FBLN5: variants seen among roughly 807,000 people sequenced by gnomAD.
FBLN5 encodes fibulin-5.
Under a neutral mutation model 61.6 loss-of-function variants are expected in FBLN5, and 24 were observed. That is an observed-to-expected ratio of 0.39 (90% confidence interval 0.28 to 0.55). FBLN5 has a LOEUF of 0.55. Ranked by LOEUF, FBLN5 falls within the 20% of genes least tolerant of loss-of-function variation. The pLI is 0.65. For synonymous variants in FBLN5, 213 were observed against 219.8 expected (o/e 0.97, Z 0.27); for missense variants, 470 against 594.1 (o/e 0.79, Z 2.17).
chr14:91,922,333 A>C (rs963345425), intron 4 of FBLN5, among the ~76,000 whole-genome samples: 2 of 149,980 alleles, frequency 1.3e-5, no homozygotes, highest in Non-Finnish European at 3.0e-5. Context: ...TAAATAAATA[A>C]ATAAATAAAT....
chr14:91,877,139 G>C (rs1238981039), intron 10 of FBLN5, among the ~76,000 whole-genome samples: 1 of 152,162 alleles, frequency 6.6e-6, no homozygotes, highest in Non-Finnish European at 1.5e-5. Flanking sequence ...CCCCGTGCCT[G>C]GCCTGCATAG....
chr14:91,908,086 T>C (rs1466835353), intron 4 of FBLN5, among the ~76,000 whole-genome samples: 1 of 152,200 alleles, frequency 6.6e-6, no homozygotes, highest in African/African-American at 2.4e-5. Context: ...AATAAATGCT[T>C]TTCCAATCAG....
intron 4 of FBLN5, among the ~76,000 whole-genome samples, chr14:91,916,900 T>A (rs2140016705): frequency 6.6e-6 from 1 of 152,354 alleles, no homozygotes; most frequent in Non-Finnish European, 1.5e-5. Flanking sequence ...TTTTGGTCCA[T>A]GCACGGCAGG....
At chr14:91,912,670 C>A (rs1566816658) in intron 4 of FBLN5, among the ~76,000 whole-genome samples, 1 of 151,712 alleles carries the variant, frequency 6.6e-6, no homozygotes, top group East Asian at 1.9e-4. Flanking sequence ...ATTAGCTGGG[C>A]ATAGTGGTGT....
At chr14:91,924,725 T>A (rs570298493) in intron 4 of FBLN5, among the ~76,000 whole-genome samples, 154 of 152,248 alleles carry the variant, frequency 1.0e-3, no homozygotes, top group African/African-American at 3.6e-3. Context: ...AGATGTTAAA[T>A]AAATAATCAC....
chr14:91,925,949 G>A (rs575214325), intron 4 of FBLN5, among the ~76,000 whole-genome samples: 1 of 152,316 alleles, frequency 6.6e-6, no homozygotes, highest in African/African-American at 2.4e-5. Context: ...AGGGTGTGCT[G>A]GAGGTGAGTG....
rs111704831 is a variant in FBLN5 at position 91,894,830 on chromosome 14, G to A, written c.502+120C>T. ...AGTTCAATAGCCTTCCACCCCTCCC[G>A]CCCTCCCTAGCAAAGAAAAGCTTAC... On this transcript the variant is annotated intron_variant, in intron 5 of 10. Transcript: ENST00000342058. 78 of 185,352 alleles carry A rather than the reference G, an allele frequency of 4.2e-4. 1 individual carries two copies. The highest frequency in any genetic ancestry group is 1.7e-3 in the South Asian group (42 of 24,186). The allele number at this position is 185,352 out of a possible 1,614,324, so 11.5% of individuals were successfully genotyped here.
intron 2 of FBLN5, 28 bp from the exon 3 acceptor site, chr14:91,940,644 G>A: frequency 6.2e-7 from 1 of 1,608,136 alleles, no homozygotes; most frequent in Non-Finnish European, 8.5e-7. Context: ...GGAGAAACAG[G>A]CAAGGTCATT....
In FBLN5 at chr14:91,943,607, T is replaced by C. The variant is rs2056140919; in HGVS notation, c.18-646A>G. 6.6e-6 allele frequency among the ~76,000 whole-genome samples: 1 copy of C among 152,120 alleles called. No homozygotes were observed. On this transcript the variant is annotated intron_variant, in intron 1 of 10. Coordinates refer to ENST00000342058, the MANE Select transcript of FBLN5 (RefSeq NM_006329.4). The surrounding 1 kb of genome is among the most constrained non-coding windows in gnomAD (Gnocchi z 4.0). Reference sequence around the variant, plus strand: ...GAGATGTGCTTGACTTTTGAACATCTTTATGCTGACATGATTACAGAGTGA... The same window carrying C: ...GAGATGTGCTTGACTTTTGAACATCCTTATGCTGACATGATTACAGAGTGA...
intron 4 of FBLN5, among the ~76,000 whole-genome samples, chr14:91,909,552 T>C (rs1377171690): frequency 2.0e-5 from 3 of 152,052 alleles, no homozygotes; most frequent in Non-Finnish European, 4.4e-5. Context: ...GGGAGGTAAA[T>C]AAAATTAGAT....
intron 4 of FBLN5, among the ~76,000 whole-genome samples, chr14:91,924,870 G>A (rs543257655): frequency 7.5e-4 from 114 of 152,178 alleles, no homozygotes; most frequent in African/African-American, 2.6e-3. Context: ...CTGTCCCCAC[G>A]GAGAAGGCCA....
At chr14:91,940,904 A>T (rs972343184) in intron 2 of FBLN5, among the ~76,000 whole-genome samples, 8 of 152,104 alleles carry the variant, frequency 5.3e-5, no homozygotes, top group Non-Finnish European at 7.4e-5. Flanking sequence ...CAGGATTTTG[A>T]GACCGCCCTC....
intron 4 of FBLN5, among the ~76,000 whole-genome samples, chr14:91,934,741 T>A (rs1199205391): frequency 6.6e-6 from 1 of 152,178 alleles, no homozygotes; most frequent in African/African-American, 2.4e-5. Flanking sequence ...CACCTCCTTG[T>A]CTTTTCTCAA....
intron 4 of FBLN5, among the ~76,000 whole-genome samples, chr14:91,907,257 T>C (rs1051681942): frequency 1.3e-5 from 2 of 152,186 alleles, no homozygotes; most frequent in African/African-American, 2.4e-5. Context: ...CTCCTTCTAG[T>C]TGGGATGCAG....
chr14:91,935,817 C>A (rs2140045750), intron 4 of FBLN5, among the ~76,000 whole-genome samples: 1 of 152,342 alleles, frequency 6.6e-6, no homozygotes, highest in South Asian at 2.1e-4. Context: ...CGCTCATTCC[C>A]TTTGCACAGT....
chr14:91,912,872 T>C (rs539558289), intron 4 of FBLN5, among the ~76,000 whole-genome samples: 1 of 152,046 alleles, frequency 6.6e-6, no homozygotes, highest in South Asian at 2.1e-4. Context: ...TTTTCTTCTT[T>C]AATATGCTAA....
rs1360251041 is a variant in FBLN5 at position 91,881,391 on chromosome 14, T to C, written c.890A>G (p.His297Arg). Residue 297 changes from histidine (H) to arginine (R), a missense_variant, in exon 9 of 11, where the codon CAC (histidine) becomes CGC (arginine). By Grantham distance (29) the His-to-Arg change is conservative. Coordinates refer to ENST00000342058, the MANE Select transcript of FBLN5 (RefSeq NM_006329.4). Reference protein sequence around the residue: ...QDINECEHRNHTCNLQQTCYN... With the variant: ...QDINECEHRNRTCNLQQTCYN... ...GCACGTCTGCTGCAGGTTGCACGTGTGGTTCCTGTGCTCACATTCGTTGAT... is the reference window on the plus strand; with the variant it reads ...GCACGTCTGCTGCAGGTTGCACGTGCGGTTCCTGTGCTCACATTCGTTGAT... 2 of 1,614,104 alleles carry C rather than the reference T, an allele frequency of 1.2e-6. No individual in the cohort carries two copies. The highest frequency in any genetic ancestry group is 3.3e-5 in the Admixed American group (2 of 60,008).
intron 4 of FBLN5, among the ~76,000 whole-genome samples, chr14:91,899,026 T>C (rs1890345486): frequency 6.6e-6 from 1 of 151,858 alleles, no homozygotes; most frequent in Non-Finnish European, 1.5e-5. Flanking sequence ...ATGGTCTCTA[T>C]CTCCTGACCT....
At chr14:91,924,410 G>A (rs1259000114) in intron 4 of FBLN5, among the ~76,000 whole-genome samples, 8 of 152,146 alleles carry the variant, frequency 5.3e-5, no homozygotes, top group Admixed American at 2.6e-4. Flanking sequence ...TGGTGAGACC[G>A]CGTGTGGTGG....
Sources: gnomAD v4.1 joint callset for allele counts (sites outside exome capture counted in the v4.1 genomes callset) on GRCh38, gnomAD v4.1.1 for gene constraint, Gnocchi (gnomAD v3.1) non-coding constraint, MANE v1.5 for transcripts, NCBI Gene and HGNC (gene_info 2026-07-23, HGNC 2026-07-21) for gene names.